Variants in TMEM178B observed in about 807,000 individuals in gnomAD.
The protein encoded by TMEM178B is transmembrane protein 178B.
Under a neutral mutation model 31.0 loss-of-function variants are expected in TMEM178B, and 5 were observed. The ratio of observed to expected loss-of-function variants is 0.16; its 90% CI spans 0.08 to 0.34. The LOEUF is 0.34. TMEM178B is among the 10% of genes least tolerant of loss of function. The probability of loss-of-function intolerance (pLI) is 1.00; values close to 1 mark genes in which losing one functional copy is unlikely to be tolerated. For missense variants in TMEM178B, 275 were observed against 400.3 expected (o/e 0.69, Z 2.67); for synonymous variants, 164 against 164.0 (o/e 1.00, Z 0.00).
chr7:141,161,146 C>T (rs1405072964), intron 1 of TMEM178B, among the ~76,000 whole-genome samples: 2 of 152,156 alleles, frequency 1.3e-5, no homozygotes, highest in Non-Finnish European at 2.9e-5. Context: ...CGAACCACTG[C>T]GCCCGGCCTG....
rs145520794 is a variant in TMEM178B, at chr7:141,342,424, G to A, written c.497-95184G>A. Among the ~76,000 whole-genome samples the A allele has an allele frequency of 3.4e-4, 52 of 152,234 alleles. 1 individual carries two copies. Among genetic ancestry groups the A allele is most frequent in the African/African-American group, 1.1e-3 (46 of 41,546 alleles). On this transcript the variant is annotated intron_variant, in intron 2 of 3. Transcript: ENST00000565468. Reference sequence around the variant, plus strand: ...TAAAAATGCATATTCAAAAAAATTCGTTTTCTCAGAACCCCTTCTCAGACA... The same window carrying A: ...TAAAAATGCATATTCAAAAAAATTCATTTTCTCAGAACCCCTTCTCAGACA...
intron 2 of TMEM178B, among the ~76,000 whole-genome samples, chr7:141,282,858 T>C (rs1798387986): frequency 6.6e-6 from 1 of 152,124 alleles, no homozygotes; most frequent in South Asian, 2.1e-4. Context: ...TGCATTGGGA[T>C]GAAAAAGAAG....
intron 2 of TMEM178B, among the ~76,000 whole-genome samples, chr7:141,258,902 T>C (rs1797971541): frequency 6.6e-6 from 1 of 152,250 alleles, no homozygotes; most frequent in African/African-American, 2.4e-5. Context: ...CCTTTATCTT[T>C]GGCTTTTAAC....
intron 2 of TMEM178B, among the ~76,000 whole-genome samples, chr7:141,283,525 A>G (rs1798398187): frequency 6.6e-6 from 1 of 152,244 alleles, no homozygotes; most frequent in Non-Finnish European, 1.5e-5. Flanking sequence ...GCATTTCTCT[A>G]GAAATCTTTT....
intron 2 of TMEM178B, among the ~76,000 whole-genome samples, chr7:141,353,919 C>T (rs1208619552): frequency 2.0e-5 from 3 of 152,196 alleles, no homozygotes; most frequent in African/African-American, 4.8e-5. Flanking sequence ...GAAGAGGCCG[C>T]CTTGCCCCTT....
intron 3 of TMEM178B, among the ~76,000 whole-genome samples, chr7:141,458,029 A>G (rs1801996734): frequency 6.6e-6 from 1 of 152,240 alleles, no homozygotes; most frequent in African/African-American, 2.4e-5. Context: ...GGGAAAGTCA[A>G]GTAGGAAGAA....
chr7:141,480,777 T>G (rs951011579), downstream of TMEM178B, among the ~76,000 whole-genome samples: 1 of 152,232 alleles, frequency 6.6e-6, no homozygotes, highest in African/African-American at 2.4e-5. Flanking sequence ...TCTCCTAGTC[T>G]TCATCAGCTT....
chr7:141,298,047 T>C (rs1281821652), intron 2 of TMEM178B, among the ~76,000 whole-genome samples: 2 of 152,222 alleles, frequency 1.3e-5, no homozygotes, highest in Non-Finnish European at 2.9e-5. Flanking sequence ...ATGATCACCA[T>C]TTTAACTGGT....
the TMEM178B span, among the ~76,000 whole-genome samples, chr7:141,500,275 C>T: frequency 6.6e-6 from 1 of 152,078 alleles, no homozygotes; most frequent in African/African-American, 2.4e-5. Flanking sequence ...AGGAATCAGA[C>T]AGGTGTACAA....
At chr7:141,258,072 G>A (rs1043504796) in intron 2 of TMEM178B, among the ~76,000 whole-genome samples, 1 of 151,420 alleles carries the variant, frequency 6.6e-6, no homozygotes, top group Non-Finnish European at 1.5e-5. Flanking sequence ...ATCTACTTCA[G>A]ATTAATACTA....
At chr7:141,087,130 C>T (rs1253367370) in intron 1 of TMEM178B, among the ~76,000 whole-genome samples, 4 of 152,118 alleles carry the variant, frequency 2.6e-5, no homozygotes, top group African/African-American at 9.7e-5. Context: ...GTTCAGTGTG[C>T]AGGATGCAGG....
At chr7:141,390,635 C>G (rs914368065) in intron 2 of TMEM178B, among the ~76,000 whole-genome samples, 1 of 152,240 alleles carries the variant, frequency 6.6e-6, no homozygotes, top group African/African-American at 2.4e-5. Flanking sequence ...CTCAAACTAC[C>G]TGCCCCGTTC....
At chr7:141,359,262 A>G (rs1425249843) in intron 2 of TMEM178B, among the ~76,000 whole-genome samples, 1 of 152,188 alleles carries the variant, frequency 6.6e-6, no homozygotes, top group Non-Finnish European at 1.5e-5. Flanking sequence ...TGTGTTCATC[A>G]TTTCTGCCCC....
At chr7:141,435,470 G>T (rs1801518175) in intron 2 of TMEM178B, among the ~76,000 whole-genome samples, 1 of 152,190 alleles carries the variant, frequency 6.6e-6, no homozygotes, top group Non-Finnish European at 1.5e-5. Context: ...GGGGACCATT[G>T]TCTACTGAGA....
Position 141,344,569 on chromosome 7 carries a change from CTCCTCCCT to C in TMEM178B, c.497-93034_497-93027del, listed in dbSNP as rs1554478037. On this transcript the variant is annotated intron_variant, in intron 2 of 3. Coordinates refer to ENST00000565468, the MANE Select transcript of TMEM178B (RefSeq NM_001195278.2). This position sits in a 1 kb window ranked among gnomAD's most constrained non-coding sequence, Gnocchi z 4.1. Reference sequence around the variant, plus strand: ...TCTCCCTCCCTCCCTCCATTCCTCCCTCCTCCCTTCCTTCCTTCCTTCCTTCCTTCCTT... The same window carrying C: ...TCTCCCTCCCTCCCTCCATTCCTCCCTCCTTCCTTCCTTCCTTCCTTCCTT... 3.5e-5 allele frequency among the ~76,000 whole-genome samples: 5 copies of C among 142,214 alleles called. No individual in the cohort carries two copies. Among genetic ancestry groups the C allele is most frequent in the South Asian group, 2.4e-4 (1 of 4,224 alleles). The allele number at this position is 142,214 out of a possible 152,430, so 93.3% of individuals were successfully genotyped here.
intron 2 of TMEM178B, among the ~76,000 whole-genome samples, chr7:141,427,180 A>G (rs1038811986): frequency 3.3e-5 from 5 of 152,220 alleles, no homozygotes; most frequent in Non-Finnish European, 7.3e-5. Context: ...TCAAAATACC[A>G]AAGACATTCT....
intron 2 of TMEM178B, among the ~76,000 whole-genome samples, chr7:141,220,643 C>T (rs964457241): frequency 6.6e-6 from 1 of 152,180 alleles, no homozygotes; most frequent in Non-Finnish European, 1.5e-5. Context: ...TTACAGTCTT[C>T]AAGCCACAAT....
At chr7:141,205,183 G>T (rs1796942868) in intron 1 of TMEM178B, among the ~76,000 whole-genome samples, 1 of 152,136 alleles carries the variant, frequency 6.6e-6, no homozygotes, top group South Asian at 2.1e-4. Context: ...AAAGGATTTG[G>T]GAATAAAGTA....
At chr7:141,482,566 C>T (rs1208955532), downstream of TMEM178B, among the ~76,000 whole-genome samples, 1 of 152,230 alleles carries the variant, frequency 6.6e-6, no homozygotes, top group Non-Finnish European at 1.5e-5. Context: ...TCCACCTCCA[C>T]AAGTGGATTC....
Sources: gnomAD v4.1 joint callset for allele counts (sites outside exome capture counted in the v4.1 genomes callset) on GRCh38, gnomAD v4.1.1 for gene constraint, Gnocchi (gnomAD v3.1) non-coding constraint, MANE v1.5 for transcripts, NCBI Gene and HGNC (gene_info 2026-07-23, HGNC 2026-07-21) for gene names.